UNC13C: variants seen among roughly 807,000 people sequenced by gnomAD.
UNC13C encodes unc-13 homolog C.
UNC13C carries 174 observed loss-of-function variants against 245.4 expected under a neutral mutation model. That is an observed-to-expected ratio of 0.71 (90% CI 0.63 to 0.80). UNC13C has a LOEUF of 0.80. UNC13C is among the 30% of genes least tolerant of loss of function. The probability of loss-of-function intolerance (pLI) is 0.00; values close to 1 mark genes in which losing one functional copy is unlikely to be tolerated. For missense variants in UNC13C, 2,829 were observed against 2,602.9 expected (o/e 1.09, Z -1.89); for synonymous variants, 992 against 895.1 (o/e 1.11, Z -1.93).
chr15:54,448,080 G>A (rs373694609), intron 19 of UNC13C, among the ~76,000 whole-genome samples: 41 of 152,084 alleles, frequency 2.7e-4, no homozygotes, highest in African/African-American at 8.5e-4. Flanking sequence ...GTAGTTGAGC[G>A]GTTTTGAGTG....
the UNC13C span, among the ~76,000 whole-genome samples, chr15:53,842,565 G>A: frequency 4.6e-5 from 7 of 152,078 alleles, no homozygotes; most frequent in Admixed American, 3.3e-4. Context: ...TGAGACTTTC[G>A]TTGAATACAT....
the UNC13C span, among the ~76,000 whole-genome samples, chr15:53,908,101 A>T: frequency 2.7e-5 from 4 of 146,780 alleles, 1 homozygote; most frequent in African/African-American, 9.7e-5. Context: ...CATTTCTTAT[A>T]AATGTCAACG....
At chr15:54,375,000 G>C (rs943713872) in intron 17 of UNC13C, among the ~76,000 whole-genome samples, 5 of 152,222 alleles carry the variant, frequency 3.3e-5, no homozygotes, top group African/African-American at 4.8e-5. Context: ...TAGATGATAA[G>C]AGATTTAGGT....
At chr15:54,446,019 A>G (rs1397350255) in intron 19 of UNC13C, among the ~76,000 whole-genome samples, 1 of 152,194 alleles carries the variant, frequency 6.6e-6, no homozygotes, top group Non-Finnish European at 1.5e-5. Context: ...ATGGCTAGCC[A>G]GTTTTCCCAG....
At position 54,014,234 on chromosome 15, in the gene UNC13C, A is replaced by G. The variant is rs866356206; in HGVS notation, c.1331A>G (p.Asn444Ser). Residue 444 changes from asparagine to serine, a missense_variant, in exon 2 of 33, where the codon AAC (asparagine) becomes AGC (serine). Asn to Ser is a conservative substitution (Grantham distance 46, BLOSUM62 1). Transcript: ENST00000260323. ...ACTCCAGAGCCAAAAATCAAGAAGA[A>G]CAATTGGCAGTCACCTGATGACAGT... The part of the protein sequence containing the change: ...LSTPEPKIKK[N>S]NWQSPDDSDE... 9 of 1,613,912 alleles carry G rather than the reference A, an allele frequency of 5.6e-6. No individual in the cohort carries two copies. In the Middle Eastern group the frequency reaches 6.6e-4, roughly 118 times the overall value.
intron 19 of UNC13C, among the ~76,000 whole-genome samples, chr15:54,444,641 G>A (rs118132313): frequency 0.029 from 4,449 of 151,592 alleles, 179 homozygotes; most frequent in Admixed American, 0.12. Flanking sequence ...ATTGTGGTTT[G>A]GGATTTTCTA....
intron 19 of UNC13C, among the ~76,000 whole-genome samples, chr15:54,420,593 T>A (rs1567257122): frequency 6.6e-6 from 1 of 151,960 alleles, no homozygotes; most frequent in Admixed American, 6.6e-5. Context: ...GCCTTTCTGA[T>A]CATTTCTGTA....
chr15:54,448,520 A>G (rs892277562), intron 19 of UNC13C, among the ~76,000 whole-genome samples: 4 of 152,110 alleles, frequency 2.6e-5, no homozygotes, highest in African/African-American at 9.7e-5. Flanking sequence ...TCCCTTTACC[A>G]TTATGTAATG....
chr15:54,101,026 TTTTTTAATAA>T (rs2141155376), intron 2 of UNC13C, among the ~76,000 whole-genome samples: 1 of 152,340 alleles, frequency 6.6e-6, no homozygotes, highest in South Asian at 2.1e-4. Context: ...CCCATTTCAA[TTTTTTAATAA>T]TTTTTATTTC....
rs2141324401 is a variant in UNC13C at position 54,627,526 on chromosome 15, A to T, written c.*413A>T. The stretch of plus-strand genomic sequence containing the variant: ...TTACTTACCTCATTATAGATGTCTT[A>T]CAAATACCCTTTTCTACCATAACTA... On this transcript the variant is annotated 3_prime_UTR_variant, in exon 33 of 33. Transcript: ENST00000260323. 1 of 155,378 alleles carries T rather than the reference A, an allele frequency of 6.4e-6. No homozygotes were observed. The highest frequency in any genetic ancestry group is 2.0e-4 in the South Asian group (1 of 4,984). 9.6% of individuals were successfully genotyped at this position (155,378 alleles called of 1,614,324 possible). A position where few individuals can be genotyped will look rare whatever the true frequency, so the allele number is the denominator to read the frequency against.
At chr15:54,567,716 A>G in intron 29 of UNC13C, 84 bp from the exon 30 acceptor site, 3 of 1,268,108 alleles carry the variant, frequency 2.4e-6, no homozygotes, top group Non-Finnish European at 3.2e-6. Flanking sequence ...GTATTATTCC[A>G]TTTGAGCTTC....
chr15:54,568,654 G>C (rs538324963), intron 30 of UNC13C, among the ~76,000 whole-genome samples: 1 of 152,210 alleles, frequency 6.6e-6, no homozygotes, highest in African/African-American at 2.4e-5. Context: ...CGAGTCAAAA[G>C]AGCCAAATGC....
At chr15:54,295,027 G>T (rs770141587) in intron 11 of UNC13C, among the ~76,000 whole-genome samples, 4 of 152,032 alleles carry the variant, frequency 2.6e-5, no homozygotes, top group Admixed American at 6.6e-5. Flanking sequence ...GTTAAACTAA[G>T]AACTAATTAT....
intron 18 of UNC13C, among the ~76,000 whole-genome samples, chr15:54,412,157 G>A (rs1028111957): frequency 7.9e-5 from 12 of 151,812 alleles, no homozygotes; most frequent in African/African-American, 2.7e-4. Context: ...AGTGAGCCAA[G>A]ATCGCACAAC....
upstream of UNC13C, among the ~76,000 whole-genome samples, chr15:53,975,997 A>C (rs559772630): frequency 6.6e-6 from 1 of 152,324 alleles, no homozygotes; most frequent in South Asian, 2.1e-4. Context: ...TACTGATAAG[A>C]ATGTGGCTCT....
intron 2 of UNC13C, among the ~76,000 whole-genome samples, chr15:54,094,168 C>T (rs1296457685): frequency 6.6e-6 from 1 of 152,188 alleles, no homozygotes; most frequent in African/African-American, 2.4e-5. Context: ...ACTCCGAAGG[C>T]CTTACTGACC....
intron 10 of UNC13C, 61 bp from the exon 11 acceptor site, chr15:54,293,834 A>G: frequency 7.4e-7 from 1 of 1,349,662 alleles, no homozygotes; most frequent in Non-Finnish European, 9.8e-7. Context: ...TAAAGTACTA[A>G]CATCAAATGG....
rs767296487 is a variant in UNC13C, at chr15:54,014,865, T to G, written c.1962T>G (p.Leu654=). ...CTCAGCTCTCTTTACATGAGGATCT[T>G]TCTCCATGGAAGGAATGGAATCAAG... ...SDSQLSLHED[L]SPWKEWNQGA... is the part of the protein sequence containing the mutation. Residue 654 remains leucine, a synonymous_variant, in exon 2 of 33, where the codon CTT becomes CTG. Transcript: ENST00000260323. The G allele has an allele frequency of 8.1e-6, 13 of 1,613,792 alleles. No homozygotes were observed. In the South Asian group the frequency reaches 1.2e-4, roughly 15 times the overall value.
intron 20 of UNC13C, 88 bp from the exon 21 acceptor site, chr15:54,499,991 T>C: frequency 2.1e-6 from 2 of 954,708 alleles, no homozygotes; most frequent in East Asian, 5.7e-5. Context: ...GATTCTAAAT[T>C]ACTCTCATAT....
Sources: allele counts gnomAD v4.1 joint callset (sites outside exome capture counted in the v4.1 genomes callset), GRCh38; gene constraint gnomAD v4.1.1; transcripts MANE v1.5; gene names NCBI Gene and HGNC (gene_info 2026-07-23, HGNC 2026-07-21).